PLCB1: variants seen among roughly 807,000 people sequenced by gnomAD.
PLCB1 encodes phospholipase C beta 1, also known as 1-phosphatidylinositol 4,5-bisphosphate phosphodiesterase beta-1.
A neutral mutation model predicts 161.8 loss-of-function variants in PLCB1; 46 were observed. The observed-to-expected ratio is 0.28, with a 90% CI of 0.22 to 0.36. PLCB1 has a LOEUF of 0.36. Ranked by LOEUF, PLCB1 falls within the 10% of genes least tolerant of loss-of-function variation. The pLI, the probability that PLCB1 is intolerant of heterozygous loss-of-function variation, is 1.00. For synonymous variants in PLCB1, 517 were observed against 503.7 expected, an observed-to-expected ratio of 1.03 and a Z score of -0.35; for missense variants, 1,016 against 1,472.5, an observed-to-expected ratio of 0.69 and a Z score of 5.07.
At chr20:8,148,480 T>A (rs1188683024) in intron 1 of PLCB1, among the ~76,000 whole-genome samples, 1 of 152,172 alleles carries the variant, frequency 6.6e-6, no homozygotes, top group South Asian at 2.1e-4. Flanking sequence ...ATATGGAATA[T>A]CAGCATAAAA....
At chr20:8,418,597 T>C (rs1321409768) in intron 3 of PLCB1, among the ~76,000 whole-genome samples, 2 of 152,094 alleles carry the variant, frequency 1.3e-5, no homozygotes, top group Non-Finnish European at 2.9e-5. Context: ...AAATTACTTA[T>C]ATATTTTTAT....
intron 3 of PLCB1, among the ~76,000 whole-genome samples, chr20:8,409,629 A>AT (rs1403239327): frequency 6.6e-6 from 1 of 151,558 alleles, no homozygotes; most frequent in East Asian, 1.9e-4. Flanking sequence ...CGCCTGGCTA[A>AT]TTTTTGTATT....
At chr20:8,603,774 C>T (rs1555775723) in intron 3 of PLCB1, among the ~76,000 whole-genome samples, 1 of 152,226 alleles carries the variant, frequency 6.6e-6, no homozygotes, top group Non-Finnish European at 1.5e-5. Flanking sequence ...AATTCTACCA[C>T]TTAACATTAA....
At chr20:8,610,896 A>G (rs1201173467) in intron 3 of PLCB1, among the ~76,000 whole-genome samples, 1 of 152,010 alleles carries the variant, frequency 6.6e-6, no homozygotes, top group Non-Finnish European at 1.5e-5. Context: ...AGTGTGAGGT[A>G]AGGGTCCAAG....
intron 3 of PLCB1, among the ~76,000 whole-genome samples, chr20:8,594,222 C>A (rs1213762533): frequency 2.0e-5 from 3 of 152,084 alleles, no homozygotes; most frequent in Non-Finnish European, 4.4e-5. Context: ...TATTTTAGGA[C>A]ATCAGTTTAT....
At chr20:8,191,093 T>C (rs1339404847) in intron 2 of PLCB1, among the ~76,000 whole-genome samples, 1 of 152,002 alleles carries the variant, frequency 6.6e-6, no homozygotes, top group Admixed American at 6.6e-5. Flanking sequence ...ACCTTTATGG[T>C]TTTTTTGTAA....
chr20:8,394,384 G>A lies in PLCB1; in HGVS notation c.246+22934G>A, dbSNP rs573478251. 8.5e-5 allele frequency among the ~76,000 whole-genome samples: 13 copies of A among 152,132 alleles called. No individual in the cohort carries two copies. In the East Asian group the frequency reaches 1.9e-3, roughly 23 times the overall value. ...CTTTTAATAGTCATAGTTTCTTTTC[G>A]GTTCCTGGTGTGTGTGTGCAGAAAG... On this transcript the variant is annotated intron_variant, in intron 3 of 31. Transcript: ENST00000338037.
chr20:8,720,227 C>T (rs933193354), intron 14 of PLCB1, among the ~76,000 whole-genome samples: 1 of 152,194 alleles, frequency 6.6e-6, no homozygotes, highest in African/African-American at 2.4e-5. Flanking sequence ...TTTCCCACTA[C>T]CAGTTCTCTG....
At chr20:8,839,164 T>C (rs117664035) in intron 31 of PLCB1, among the ~76,000 whole-genome samples, 1,767 of 152,282 alleles carry the variant, frequency 0.012, 20 homozygotes, top group Middle Eastern at 0.02. Context: ...GTAGGAGATA[T>C]ATCTGACAAA....
chr20:8,202,200 G>A (rs2052099708), intron 2 of PLCB1, among the ~76,000 whole-genome samples: 1 of 147,376 alleles, frequency 6.8e-6, no homozygotes, highest in Non-Finnish European at 1.5e-5. Context: ...CCTCAGCCTT[G>A]TGTGGTAGCT....
intron 2 of PLCB1, among the ~76,000 whole-genome samples, chr20:8,229,358 C>T (rs1979880434): frequency 6.6e-6 from 1 of 151,838 alleles, no homozygotes; most frequent in South Asian, 2.1e-4. Flanking sequence ...TGTAAGTTCC[C>T]ATATTTACTC....
intron 30 of PLCB1, among the ~76,000 whole-genome samples, 189 bp downstream of exon 30, chr20:8,789,764 T>C (rs1220159069): frequency 6.6e-6 from 1 of 152,210 alleles, no homozygotes; most frequent in Non-Finnish European, 1.5e-5. Flanking sequence ...AACCACTTTG[T>C]AAAAGGATTC....
intron 26 of PLCB1, among the ~76,000 whole-genome samples, chr20:8,768,427 C>G (rs1982482861): frequency 6.6e-6 from 1 of 152,106 alleles, no homozygotes; most frequent in Admixed American, 6.5e-5. Flanking sequence ...AGATTCAGGT[C>G]CACCCTAATC....
intron 3 of PLCB1, among the ~76,000 whole-genome samples, chr20:8,524,398 C>A (rs573817766): frequency 2.6e-5 from 4 of 151,936 alleles, no homozygotes; most frequent in Non-Finnish European, 5.9e-5. Context: ...CTACAGGATA[C>A]CTAAGCCTAG....
chr20:8,714,939 C>A (rs1271173907), intron 12 of PLCB1, among the ~76,000 whole-genome samples: 1 of 149,106 alleles, frequency 6.7e-6, no homozygotes, highest in East Asian at 2.2e-4. Flanking sequence ...ACCCCCTAAC[C>A]CCAGTAAAAA....
chr20:8,325,954 C>T (rs1322807993), intron 2 of PLCB1, among the ~76,000 whole-genome samples: 1 of 152,146 alleles, frequency 6.6e-6, no homozygotes, highest in Admixed American at 6.5e-5. Flanking sequence ...CTTGTTGTTT[C>T]CAGGGAACAA....
chr20:8,840,990 A>C (rs1020054635), intron 31 of PLCB1, among the ~76,000 whole-genome samples: 164 of 152,182 alleles, frequency 1.1e-3, no homozygotes, highest in African/African-American at 3.8e-3. Context: ...CCAAAATACA[A>C]AAATACAAAA....
intron 3 of PLCB1, among the ~76,000 whole-genome samples, chr20:8,418,563 T>C (rs892838036): frequency 1.3e-5 from 2 of 152,188 alleles, no homozygotes; most frequent in Admixed American, 1.3e-4. Flanking sequence ...CTTCTTATTC[T>C]TTATCAAATT....
At chr20:8,436,554 C>CT (rs899272939) in intron 3 of PLCB1, among the ~76,000 whole-genome samples, 5 of 151,814 alleles carry the variant, frequency 3.3e-5, no homozygotes, top group South Asian at 2.1e-4. Context: ...CTCTTTTCCT[C>CT]TTTTTTTTCT....
Sources: allele counts gnomAD v4.1 joint callset (sites outside exome capture counted in the v4.1 genomes callset), GRCh38; gene constraint gnomAD v4.1.1; transcripts MANE v1.5; gene names NCBI Gene and HGNC (gene_info 2026-07-23, HGNC 2026-07-21).